CNRIP1: variants seen among roughly 807,000 people sequenced by gnomAD.
CNRIP1 encodes the protein CB1 cannabinoid receptor-interacting protein 1.
Under a neutral mutation model 15.2 loss-of-function variants are expected in CNRIP1, and 10 were observed. That is an observed-to-expected ratio of 0.66 (90% CI 0.41 to 1.12). The LOEUF (loss-of-function observed/expected upper bound fraction) is 1.12. CNRIP1 is among the 50% of genes most tolerant of loss of function. CNRIP1 has a pLI of 0.00. For missense variants in CNRIP1, 211 were observed against 214.7 expected, an observed-to-expected ratio of 0.98 and a Z score of 0.11; for synonymous variants, 91 against 83.2, an observed-to-expected ratio of 1.09 and a Z score of -0.51.
At chr2:68,314,689 C>A (rs181409897) in intron 2 of CNRIP1, among the ~76,000 whole-genome samples, 2 of 152,096 alleles carry the variant, frequency 1.3e-5, no homozygotes, top group East Asian at 3.9e-4. Context: ...TAAAACAATG[C>A]AGTATTGGTG....
intron 2 of CNRIP1, among the ~76,000 whole-genome samples, chr2:68,313,283 C>G (rs1365480168): frequency 6.6e-6 from 1 of 152,086 alleles, no homozygotes; most frequent in Non-Finnish European, 1.5e-5. Flanking sequence ...ATTTCTTACA[C>G]AGATAAACAC....
downstream of CNRIP1, among the ~76,000 whole-genome samples, chr2:68,289,936 G>A (rs1671121699): frequency 6.6e-6 from 1 of 151,736 alleles, no homozygotes; most frequent in African/African-American, 2.4e-5. Flanking sequence ...TTGAGGCACA[G>A]AGGTATTAAG....
chr2:68,305,270 ATATATGTGTGTGTGTGTGTG>A (rs1671782950), intron 2 of CNRIP1, among the ~76,000 whole-genome samples: 1 of 98,596 alleles, frequency 1.0e-5, no homozygotes, highest in African/African-American at 3.7e-5. Context: ...ATATATATAT[ATATATGTGTGTGTGTGTGTG>A]TGTGTGTGTG....
chr2:68,291,423 C>A (rs79123931), downstream of CNRIP1, among the ~76,000 whole-genome samples: 79 of 152,114 alleles, frequency 5.2e-4, 1 homozygote, highest in East Asian at 0.012. Context: ...GGTGACCATC[C>A]AGGATGTGAG....
chr2:68,292,822 T>C (rs1454104841), downstream of CNRIP1, among the ~76,000 whole-genome samples: 3 of 152,210 alleles, frequency 2.0e-5, no homozygotes, highest in African/African-American at 4.8e-5. Flanking sequence ...GGGCCTGTGC[T>C]AGCCCTGTTA....
chr2:68,308,656 A>G (rs1197407190), intron 2 of CNRIP1, among the ~76,000 whole-genome samples: 2 of 152,198 alleles, frequency 1.3e-5, no homozygotes, highest in Non-Finnish European at 2.9e-5. Flanking sequence ...AAAAACACAC[A>G]TAATGATGGT....
intron 2 of CNRIP1, among the ~76,000 whole-genome samples, chr2:68,314,035 T>A (rs1362106957): frequency 6.6e-6 from 1 of 152,138 alleles, no homozygotes; most frequent in African/African-American, 2.4e-5. Flanking sequence ...CATCCTTCAT[T>A]TTTTCCTCAA....
intron 2 of CNRIP1, among the ~76,000 whole-genome samples, chr2:68,311,892 A>G (rs1672090702): frequency 6.6e-6 from 1 of 152,096 alleles, no homozygotes; most frequent in African/African-American, 2.4e-5. Context: ...TTATGGGAAT[A>G]AAGTTGAAAA....
chr2:68,287,739 T>C (rs1671065071), intron 2 of CNRIP1, among the ~76,000 whole-genome samples: 1 of 152,226 alleles, frequency 6.6e-6, no homozygotes, highest in Admixed American at 6.5e-5. Context: ...TACCAGCACA[T>C]GGCCTTAGCC....
Position 68,319,430 on chromosome 2 carries a change from C to G in CNRIP1, c.-30G>C, listed in dbSNP as rs1345974080. 2 of 1,501,284 alleles carry G rather than the reference C, an allele frequency of 1.3e-6. No homozygotes were observed. Among genetic ancestry groups the G allele is most frequent in the Non-Finnish European group, 1.8e-6 (2 of 1,126,558 alleles). 93.0% of individuals were successfully genotyped at this position (1,501,284 alleles called of 1,614,324 possible). A position where few individuals can be genotyped will look rare whatever the true frequency, so the allele number is the denominator to read the frequency against. Reference sequence around the variant, plus strand: ...GGGCGAGGGTCTGGCGCGGCGGCTCCGGGGGGCGGAGGACAGCGCCGGCTG... The same window carrying G: ...GGGCGAGGGTCTGGCGCGGCGGCTCGGGGGGGCGGAGGACAGCGCCGGCTG... On this transcript the variant is annotated 5_prime_UTR_variant, in exon 1 of 3. Transcript: ENST00000263655.
intron 2 of CNRIP1, among the ~76,000 whole-genome samples, chr2:68,311,824 G>C (rs1250252193): frequency 7.1e-6 from 1 of 141,392 alleles, no homozygotes; most frequent in South Asian, 2.3e-4. Context: ...AAGAGTAAAA[G>C]AGTAGACATT....
chr2:68,303,048 T>C (rs13013670), intron 2 of CNRIP1, among the ~76,000 whole-genome samples: 67,897 of 151,452 alleles, frequency 0.45, 16,178 homozygotes, highest in East Asian at 0.74. Flanking sequence ...GGGGTTTCAC[T>C]GTGTTAGCCA....
rs552112894 is a variant in CNRIP1, at chr2:68,300,562, A to G, written c.331-6536T>C. Among the ~76,000 whole-genome samples the G allele has an allele frequency of 1.6e-4, 24 of 152,262 alleles. No individual in the cohort carries two copies. In the South Asian group the frequency reaches 3.5e-3, roughly 22 times the overall value. On this transcript the variant is annotated intron_variant, in intron 2 of 2. Coordinates refer to ENST00000263655, the MANE Select transcript of CNRIP1 (RefSeq NM_015463.3). ...AACCTGGAAAACGGAGGTTGCAGTG[A>G]GCTGAGATCACACCATTGCACTCCA...
At position 68,319,664 on chromosome 2, in the gene CNRIP1, C is replaced by G. The variant is rs1304346884; in HGVS notation, c.-264G>C. 2.3e-6 allele frequency: 1 copy of G among 440,730 alleles called. No homozygotes were observed. The highest frequency in any genetic ancestry group is 4.0e-6 in the Non-Finnish European group (1 of 247,126). 27.3% of individuals were successfully genotyped at this position (440,730 alleles called of 1,614,324 possible). Reference sequence around the variant, plus strand: ...TCCAAGGCCGCGCGCTTCCCCATCCCCCGCTCCAGTGCTGCGCCCTCCACG... The same window carrying G: ...TCCAAGGCCGCGCGCTTCCCCATCCGCCGCTCCAGTGCTGCGCCCTCCACG... On this transcript the variant is annotated 5_prime_UTR_variant, in exon 1 of 3. Coordinates refer to ENST00000263655, the MANE Select transcript of CNRIP1 (RefSeq NM_015463.3).
intron 2 of CNRIP1, among the ~76,000 whole-genome samples, chr2:68,305,776 T>A (rs1203374332): frequency 4.0e-5 from 5 of 124,388 alleles, no homozygotes; most frequent in Non-Finnish European, 6.5e-5. Context: ...AGCCTGGGCG[T>A]CAGAGAAAGA....
At chr2:68,285,418 A>G (rs1054671528) in intron 2 of CNRIP1, among the ~76,000 whole-genome samples, 6 of 152,160 alleles carry the variant, frequency 3.9e-5, no homozygotes, top group African/African-American at 1.4e-4. Flanking sequence ...TGCAGAGACA[A>G]TGGTAAATGT....
intron 2 of CNRIP1, among the ~76,000 whole-genome samples, chr2:68,301,872 C>G (rs867486164): frequency 5.1e-5 from 6 of 117,200 alleles, no homozygotes; most frequent in Non-Finnish European, 9.6e-5. Flanking sequence ...AGAGCCTGGG[C>G]GACAGAGCGA....
At chr2:68,292,222 T>G (rs2103886149), downstream of CNRIP1, among the ~76,000 whole-genome samples, 1 of 151,916 alleles carries the variant, frequency 6.6e-6, no homozygotes, top group Non-Finnish European at 1.5e-5. Flanking sequence ...TAATGAAGAC[T>G]TTAAAAAAAA....
At chr2:68,317,104 G>A (rs769307068) in intron 2 of CNRIP1, 53 bp downstream of exon 2, 1 of 1,603,296 alleles carries the variant, frequency 6.2e-7, no homozygotes, top group Non-Finnish European at 8.5e-7. Context: ...TTTCTTTTCT[G>A]TGGTTTCCAT....
Sources: gnomAD v4.1 joint callset for allele counts (sites outside exome capture counted in the v4.1 genomes callset) on GRCh38, gnomAD v4.1.1 for gene constraint, MANE v1.5 for transcripts, NCBI Gene and HGNC (gene_info 2026-07-23, HGNC 2026-07-21) for gene names.